Variants in APPL1 observed in about 807,000 individuals in gnomAD.
The protein encoded by APPL1 is DCC-interacting protein 13-alpha.
APPL1 carries 42 observed loss-of-function variants against 106.8 expected under a neutral mutation model. The ratio of observed to expected loss-of-function variants is 0.39; its 90% CI spans 0.31 to 0.51. The LOEUF (loss-of-function observed/expected upper bound fraction) is 0.51, where lower values mean the gene tolerates loss of function less well. Ranked by LOEUF, APPL1 falls within the 20% of genes least tolerant of loss-of-function variation. The probability of loss-of-function intolerance (pLI) is 0.75; values close to 1 mark genes in which losing one functional copy is unlikely to be tolerated. For missense variants in APPL1, 769 were observed against 858.2 expected, an observed-to-expected ratio of 0.90 and a Z score of 1.30; for synonymous variants, 263 against 281.8, an observed-to-expected ratio of 0.93 and a Z score of 0.67.
intron 19 of APPL1, among the ~76,000 whole-genome samples, chr3:57,263,753 C>T (rs141648043): frequency 4.8e-4 from 72 of 149,834 alleles, no homozygotes; most frequent in Non-Finnish European, 2.7e-4. Flanking sequence ...TTTCTTTATC[C>T]ATTCATCTGT....
intron 3 of APPL1, 81 bp from the exon 4 acceptor site, chr3:57,237,964 T>G (rs2060724896): frequency 2.7e-6 from 3 of 1,122,842 alleles, no homozygotes; most frequent in Non-Finnish European, 3.9e-6. Flanking sequence ...TCTGAAGTTA[T>G]TTAAAAATGT....
intron 6 of APPL1, 66 bp downstream of exon 6, chr3:57,242,208 G>A: frequency 8.3e-7 from 1 of 1,207,458 alleles, no homozygotes; most frequent in Non-Finnish European, 1.2e-6. Flanking sequence ...GCATATCTGT[G>A]GCCAGATTCT....
In APPL1 at chr3:57,247,459, T is replaced by C. The variant is rs745331742; in HGVS notation, c.686T>C (p.Ile229Thr). The C allele has an allele frequency of 1.2e-5, 19 of 1,607,232 alleles. No individual in the cohort carries two copies. The East Asian group carries it at 2.9e-4, about 25-fold the overall frequency. Reference protein sequence around the residue: ...NEQLEEFLANIGTSVQNVRRE... With the variant: ...NEQLEEFLANTGTSVQNVRRE... ...CAACTGGAAGAATTTTTAGCTAATA[T>C]TGGAACAAGCGTTCAGAAGTAAGTA... Residue 229 changes from isoleucine to threonine, a missense_variant, in exon 9 of 22, where the codon ATT becomes ACT. Ile to Thr is a moderately conservative substitution (Grantham distance 89, BLOSUM62 -1). Transcript: ENST00000288266.
intron 21 of APPL1, 29 bp downstream of exon 21, chr3:57,268,516 T>C (rs1426648641): frequency 6.5e-7 from 1 of 1,550,334 alleles, no homozygotes; most frequent in Non-Finnish European, 8.7e-7. Flanking sequence ...TGGATCTTTA[T>C]GTGTTGTTTG....
intron 18 of APPL1, 199 bp downstream of exon 18, chr3:57,260,352 C>G (rs757341270): frequency 1.7e-5 from 10 of 593,494 alleles, no homozygotes; most frequent in Non-Finnish European, 2.4e-5. Context: ...AGAATTAACA[C>G]AATTCTTTTT....
At chr3:57,248,980 A>C (rs2107603408) in intron 10 of APPL1, among the ~76,000 whole-genome samples, 1 of 152,372 alleles carries the variant, frequency 6.6e-6, no homozygotes, top group Non-Finnish European at 1.5e-5. Context: ...TATATTTGTA[A>C]TTATAGCACC....
chr3:57,249,222 A>G (rs571037114), intron 10 of APPL1, 138 bp from the exon 11 acceptor site: 4 of 739,156 alleles, frequency 5.4e-6, no homozygotes, highest in South Asian at 3.8e-5. Flanking sequence ...GACTGAAAGC[A>G]TATTTATATT....
At chr3:57,239,620 A>G (rs1431452656) in intron 4 of APPL1, among the ~76,000 whole-genome samples, 1 of 152,178 alleles carries the variant, frequency 6.6e-6, no homozygotes, top group African/African-American at 2.4e-5. Flanking sequence ...TATTATGAGC[A>G]TTCATATACA....
rs745915543 is a variant in APPL1, at chr3:57,259,917, A to T, written c.1556A>T (p.Asp519Val). 1 of 1,613,756 alleles carries T rather than the reference A, an allele frequency of 6.2e-7. No individual in the cohort carries two copies. Among genetic ancestry groups the T allele is most frequent in the South Asian group, 1.1e-5 (1 of 90,950 alleles). The change falls in exon 17 of 22, where the codon GAT becomes GTT. Residue 519 changes from aspartate to valine, a missense_variant. Physicochemically the swap from Asp to Val is radical, Grantham distance 152. Coordinates refer to ENST00000288266, the MANE Select transcript of APPL1 (RefSeq NM_012096.3). ...SMEVKSDDHPDVVYETMRQIL... is the reference protein window; with the variant it reads ...SMEVKSDDHPVVVYETMRQIL... ...GAGGTGAAATCAGATGACCATCCAG[A>T]TGTTGTTTATGAAACTATGCGCCAA...
rs1215579226 is a variant in APPL1 at position 57,273,118 on chromosome 3, A to G, written c.*3431A>G. 1 of 152,608 alleles carries G rather than the reference A, an allele frequency of 6.6e-6. No homozygotes were observed. Among genetic ancestry groups the G allele is most frequent in the Non-Finnish European group, 1.5e-5 (1 of 68,028 alleles). 9.5% of individuals were successfully genotyped at this position (152,608 alleles called of 1,614,324 possible). On this transcript the variant is annotated 3_prime_UTR_variant, in exon 22 of 22. Transcript: ENST00000288266. Reference sequence around the variant, plus strand: ...CTTTTTAACCAATCTCTGTGGCTTCACTCATGAAATTTACTTCAGTTAATA... The same window carrying G: ...CTTTTTAACCAATCTCTGTGGCTTCGCTCATGAAATTTACTTCAGTTAATA...
rs368945103 is a variant in APPL1, at chr3:57,231,419, C to T, written c.54+3482C>T. ...ATGTTGGCCAGGCTAGTCTTGAACT[C>T]CTGGCCTTAGTGCTGGGATTACAGA... On this transcript the variant is annotated intron_variant, in intron 1 of 21. Coordinates refer to ENST00000288266, the MANE Select transcript of APPL1 (RefSeq NM_012096.3). Among the ~76,000 whole-genome samples, 8 of 150,714 alleles carry T rather than the reference C, an allele frequency of 5.3e-5. 1 individual carries two copies. In the East Asian group the frequency reaches 1.6e-3, roughly 30 times the overall value.
chr3:57,263,362 A>AT (rs1227301438), intron 19 of APPL1, among the ~76,000 whole-genome samples: 1,584 of 143,252 alleles, frequency 0.011, 21 homozygotes, highest in African/African-American at 0.036. Flanking sequence ...TATTCATTCT[A>AT]TTTTTTTTTT....
chr3:57,267,428 C>T (rs949820215), intron 19 of APPL1, among the ~76,000 whole-genome samples: 5 of 152,134 alleles, frequency 3.3e-5, no homozygotes, highest in Non-Finnish European at 5.9e-5. Flanking sequence ...CAGCCATTTT[C>T]AGATGTCTTC....
chr3:57,240,658 C>A, intron 5 of APPL1, 106 bp downstream of exon 5: 1 of 960,910 alleles, frequency 1.0e-6, no homozygotes, highest in Non-Finnish European at 1.6e-6. Flanking sequence ...GCCTATGCCA[C>A]TCTTACTTTG....
chr3:57,260,226 TC>T (rs1201410035), intron 18 of APPL1, 73 bp downstream of exon 18: 1 of 1,445,810 alleles, frequency 6.9e-7, no homozygotes, highest in Admixed American at 2.1e-5. Flanking sequence ...TTGATAATAA[TC>T]CTGATCCTGT....
intron 1 of APPL1, 62 bp from the exon 2 acceptor site, chr3:57,235,504 A>C (rs942675895): frequency 6.3e-6 from 7 of 1,110,124 alleles, no homozygotes; most frequent in Non-Finnish European, 9.0e-6. Context: ...CTTTAGAAAA[A>C]ATATTTTTCC....
At chr3:57,241,697 A>T (rs915387175) in intron 5 of APPL1, among the ~76,000 whole-genome samples, 1 of 152,160 alleles carries the variant, frequency 6.6e-6, no homozygotes, top group African/African-American at 2.4e-5. Flanking sequence ...CTAGAACAAG[A>T]TCTCTTTTCT....
chr3:57,255,983 T>C (rs1162429353), intron 13 of APPL1, among the ~76,000 whole-genome samples: 2 of 152,334 alleles, frequency 1.3e-5, no homozygotes, highest in East Asian at 3.9e-4. Context: ...GATCAGTTTT[T>C]AGCATTGTAT....
At chr3:57,260,255 T>C in intron 18 of APPL1, 102 bp downstream of exon 18, 1 of 1,290,838 alleles carries the variant, frequency 7.7e-7, no homozygotes, top group Non-Finnish European at 1.1e-6. Context: ...AGTGTGATAG[T>C]ATCAGCTATG....
Sources: gnomAD v4.1 joint callset for allele counts (sites outside exome capture counted in the v4.1 genomes callset) on GRCh38, gnomAD v4.1.1 for gene constraint, MANE v1.5 for transcripts, NCBI Gene and HGNC (gene_info 2026-07-23, HGNC 2026-07-21) for gene names.